CDH12: variants seen among roughly 807,000 people sequenced by gnomAD.
The protein encoded by CDH12 is cadherin 12.
In CDH12, 41 loss-of-function variants were observed where a neutral mutation model predicts 74.1. That is an observed-to-expected ratio of 0.55 (90% CI 0.43 to 0.72). The LOEUF (loss-of-function observed/expected upper bound fraction) is 0.72. Among genes scored for constraint, CDH12 ranks in the 30% least tolerant of loss-of-function variants. The pLI is 0.00. For missense variants in CDH12, 945 were observed against 977.2 expected, an observed-to-expected ratio of 0.97 and a Z score of 0.44; for synonymous variants, 399 against 355.0, an observed-to-expected ratio of 1.12 and a Z score of -1.39.
chr5:22,737,124 C>A (rs1744769269), intron 1 of CDH12, among the ~76,000 whole-genome samples: 1 of 151,904 alleles, frequency 6.6e-6, no homozygotes. Flanking sequence ...TTCCCAGTGG[C>A]TTTTCACTGA....
At chr5:22,352,745 T>A (rs775598861) in intron 3 of CDH12, among the ~76,000 whole-genome samples, 1 of 152,168 alleles carries the variant, frequency 6.6e-6, no homozygotes, top group East Asian at 1.9e-4. Context: ...AGTTAAGTGA[T>A]CTGCAGAACA....
intron 4 of CDH12, among the ~76,000 whole-genome samples, chr5:22,189,856 C>CG (rs1554019140): frequency 6.7e-4 from 102 of 152,202 alleles, no homozygotes; most frequent in Non-Finnish European, 1.2e-3. Context: ...ATCTTCCCCC[C>CG]GCCTATCCCC....
intron 1 of CDH12, among the ~76,000 whole-genome samples, chr5:22,506,536 T>C (rs1296730164): frequency 3.3e-5 from 5 of 152,110 alleles, no homozygotes; most frequent in African/African-American, 1.2e-4. Context: ...CATGATAAGA[T>C]AGTCCATGTT....
At chr5:22,838,564 A>G (rs1040489993) in intron 1 of CDH12, among the ~76,000 whole-genome samples, 8 of 152,154 alleles carry the variant, frequency 5.3e-5, no homozygotes, top group Admixed American at 5.2e-4. Context: ...TATTGAAAGA[A>G]CAATAGCAAC....
intron 1 of CDH12, among the ~76,000 whole-genome samples, chr5:22,751,412 A>G (rs986356550): frequency 2.7e-5 from 4 of 150,536 alleles, no homozygotes; most frequent in Non-Finnish European, 4.4e-5. Flanking sequence ...CTGAGTCCAG[A>G]TCTTTTGGTC....
intron 4 of CDH12, among the ~76,000 whole-genome samples, chr5:22,177,577 T>C (rs925404581): frequency 6.6e-6 from 1 of 152,186 alleles, no homozygotes; most frequent in Non-Finnish European, 1.5e-5. Context: ...TGGATCTCTA[T>C]ATAGCTTTGA....
At chr5:22,728,188 A>C (rs1391978539) in intron 1 of CDH12, among the ~76,000 whole-genome samples, 1 of 151,756 alleles carries the variant, frequency 6.6e-6, no homozygotes, top group Non-Finnish European at 1.5e-5. Context: ...AAAGCTATTG[A>C]TTGAATTCTT....
chr5:22,366,766 A>T (rs1274727126), intron 3 of CDH12, among the ~76,000 whole-genome samples: 1 of 152,192 alleles, frequency 6.6e-6, no homozygotes, highest in Non-Finnish European at 1.5e-5. Context: ...CACAGTTTAG[A>T]TAGAGTATAT....
At chr5:21,755,448 G>A in intron 14 of CDH12, 143 bp downstream of exon 14, 1 of 657,494 alleles carries the variant, frequency 1.5e-6, no homozygotes, top group Non-Finnish European at 2.6e-6. Flanking sequence ...AATACACATA[G>A]ATTATCTTCT....
chr5:22,427,294 A>G (rs1476505447), intron 2 of CDH12, among the ~76,000 whole-genome samples: 4 of 152,110 alleles, frequency 2.6e-5, no homozygotes, highest in Non-Finnish European at 5.9e-5. Context: ...CAGCCTCTCA[A>G]GTAGCTGGGA....
intron 1 of CDH12, among the ~76,000 whole-genome samples, chr5:22,738,996 G>T (rs1744879938): frequency 6.6e-6 from 1 of 151,684 alleles, no homozygotes; most frequent in Non-Finnish European, 1.5e-5. Context: ...AACTAATTTT[G>T]GTGTGCCCTT....
intron 6 of CDH12, among the ~76,000 whole-genome samples, chr5:21,954,190 G>C (rs1449707968): frequency 1.3e-5 from 2 of 150,996 alleles, no homozygotes; most frequent in Non-Finnish European, 2.9e-5. Context: ...ATGCCATATT[G>C]ATTAGCAATA....
At chr5:22,308,845 C>CACAT (rs1738243114) in intron 3 of CDH12, among the ~76,000 whole-genome samples, 1 of 144,006 alleles carries the variant, frequency 6.9e-6, no homozygotes, top group Admixed American at 6.9e-5. Flanking sequence ...CACACACACA[C>CACAT]ATACACACAG....
intron 4 of CDH12, among the ~76,000 whole-genome samples, chr5:22,167,154 A>G (rs893163517): frequency 6.6e-6 from 1 of 152,240 alleles, no homozygotes; most frequent in African/African-American, 2.4e-5. Context: ...TGTTTAGATT[A>G]GACCCATTTC....
chr5:22,432,243 A>T (rs903724285), intron 2 of CDH12, among the ~76,000 whole-genome samples: 14 of 152,166 alleles, frequency 9.2e-5, no homozygotes, highest in African/African-American at 3.4e-4. Flanking sequence ...AATATGCTGT[A>T]TAGGTTTACA....
chr5:22,424,408 A>G (rs547346468), intron 2 of CDH12, among the ~76,000 whole-genome samples: 6 of 152,312 alleles, frequency 3.9e-5, no homozygotes, highest in Non-Finnish European at 5.9e-5. Context: ...GGTGAGAGCT[A>G]TATGGCCCAG....
chr5:22,780,370 A>C (rs193215492), intron 1 of CDH12, among the ~76,000 whole-genome samples: 369 of 152,282 alleles, frequency 2.4e-3, no homozygotes, highest in Non-Finnish European at 2.7e-3. Flanking sequence ...GGCTGCTATA[A>C]AGAAATACGT....
chr5:21,751,120 T>C lies in CDH12; in HGVS notation c.*617A>G, dbSNP rs1744021365. On this transcript the variant is annotated 3_prime_UTR_variant, in exon 15 of 15. Transcript: ENST00000382254. ...AAGGATAGGATAAACAAATACGTTT[T>C]AGCATACAGTTTAAAAAAGAAAAAG... The C allele has an allele frequency of 6.5e-6, 1 of 152,678 alleles. No homozygotes were observed. The allele number at this position is 152,678 out of a possible 1,614,324, so 9.5% of individuals were successfully genotyped here.
chr5:22,394,084 G>C (rs925934461), intron 3 of CDH12, among the ~76,000 whole-genome samples: 2 of 152,124 alleles, frequency 1.3e-5, no homozygotes, highest in Middle Eastern at 3.2e-3. Context: ...AAATTGCAAA[G>C]AATACTACAA....
Sources: allele counts gnomAD v4.1 joint callset (sites outside exome capture counted in the v4.1 genomes callset), GRCh38; gene constraint gnomAD v4.1.1; transcripts MANE v1.5; gene names NCBI Gene and HGNC (gene_info 2026-07-23, HGNC 2026-07-21).